Variants in CDK5RAP2 observed in about 807,000 individuals in gnomAD.
CDK5RAP2 encodes CDK5 regulatory subunit-associated protein 2.
In CDK5RAP2, 147 loss-of-function variants were observed where a neutral mutation model predicts 232.9. The observed-to-expected ratio is 0.63, with a 90% confidence interval of 0.55 to 0.72. The LOEUF is 0.72. Ranked by LOEUF, CDK5RAP2 falls within the 30% of genes least tolerant of loss-of-function variation. The pLI is 0.00. For synonymous variants in CDK5RAP2, 833 were observed against 833.7 expected (o/e 1.00, Z 0.01); for missense variants, 2,195 against 2,231.5 (o/e 0.98, Z 0.33).
At position 120,389,101 on chromosome 9, in the gene CDK5RAP2, A is replaced by G; in HGVS notation, c.*135T>C. The G allele has an allele frequency of 2.5e-6, 2 of 816,064 alleles. No homozygotes were observed. Among genetic ancestry groups the G allele is most frequent in the South Asian group, 1.6e-5 (1 of 63,210 alleles). 50.6% of individuals were successfully genotyped at this position (816,064 alleles called of 1,614,324 possible). On this transcript the variant is annotated 3_prime_UTR_variant, in exon 38 of 38. Transcript: ENST00000349780. Reference sequence around the variant, plus strand: ...CTCTCAAGCCAACTTTCAGAGAGAAAACATGAAGGGAAAAAATAGATTTCC... The same window carrying G: ...CTCTCAAGCCAACTTTCAGAGAGAAGACATGAAGGGAAAAAATAGATTTCC...
chr9:120,491,260 A>G, intron 13 of CDK5RAP2, 47 bp downstream of exon 13: 3 of 1,384,518 alleles, frequency 2.2e-6, no homozygotes, highest in Non-Finnish European at 2.1e-6. Flanking sequence ...TTTTAAAAAA[A>G]TCAACCCATG....
intron 18 of CDK5RAP2, among the ~76,000 whole-genome samples, chr9:120,462,989 C>T (rs545003203): frequency 9.9e-5 from 15 of 152,136 alleles, no homozygotes; most frequent in Admixed American, 5.2e-4. Flanking sequence ...GTGAATAGAA[C>T]CTAGGTGGTG....
At chr9:120,426,424 C>T (rs867999097) in intron 25 of CDK5RAP2, among the ~76,000 whole-genome samples, 18 of 152,128 alleles carry the variant, frequency 1.2e-4, no homozygotes, top group African/African-American at 3.4e-4. Context: ...AAGTGGGTGG[C>T]GGGCTTCCAG....
At chr9:120,558,734 T>C (rs1454576528) in intron 3 of CDK5RAP2, among the ~76,000 whole-genome samples, 2 of 152,180 alleles carry the variant, frequency 1.3e-5, no homozygotes, top group Non-Finnish European at 2.9e-5. Context: ...TCAGCTCCAA[T>C]GTCACTGCCT....
At chr9:120,426,028 T>C (rs796533830) in intron 25 of CDK5RAP2, among the ~76,000 whole-genome samples, 16 of 152,212 alleles carry the variant, frequency 1.1e-4, no homozygotes, top group African/African-American at 3.6e-4. Flanking sequence ...TGGAGCCATA[T>C]CTTTGATGGA....
intron 12 of CDK5RAP2, among the ~76,000 whole-genome samples, chr9:120,516,209 C>CT (rs2040330795): frequency 6.6e-6 from 1 of 152,082 alleles, no homozygotes; most frequent in Non-Finnish European, 1.5e-5. Context: ...AGTTCATGTG[C>CT]TTTGTAGATA....
At chr9:120,425,919 C>T (rs193142469) in intron 25 of CDK5RAP2, among the ~76,000 whole-genome samples, 2 of 152,334 alleles carry the variant, frequency 1.3e-5, no homozygotes, top group East Asian at 1.9e-4. Flanking sequence ...GCACTACACA[C>T]TGTGATAAGG....
intron 16 of CDK5RAP2, 60 bp from the exon 17 acceptor site, chr9:120,470,280 A>T: frequency 5.0e-6 from 4 of 807,404 alleles, no homozygotes; most frequent in Middle Eastern, 4.6e-4. Context: ...TATCAGAAAC[A>T]GATCCTCCCA....
intron 1 of CDK5RAP2, among the ~76,000 whole-genome samples, chr9:120,578,340 A>T (rs7870279): frequency 6.6e-6 from 1 of 152,198 alleles, no homozygotes; most frequent in African/African-American, 2.4e-5. Context: ...GGACAATACA[A>T]GAGAGAAGCC....
chr9:120,549,893 C>T (rs370627027), intron 4 of CDK5RAP2, among the ~76,000 whole-genome samples: 20 of 152,320 alleles, frequency 1.3e-4, no homozygotes, highest in African/African-American at 4.8e-4. Context: ...CTTTCCAATT[C>T]TTGAAAAGGC....
intron 36 of CDK5RAP2, among the ~76,000 whole-genome samples, chr9:120,391,419 T>C (rs753532049): frequency 5.3e-5 from 8 of 152,172 alleles, no homozygotes; most frequent in Admixed American, 1.3e-4. Flanking sequence ...GGGACTCACA[T>C]GTGGGCCTGC....
intron 13 of CDK5RAP2, among the ~76,000 whole-genome samples, chr9:120,490,656 A>AT (rs931748739): frequency 4.0e-5 from 6 of 151,676 alleles, no homozygotes; most frequent in African/African-American, 1.5e-4. Context: ...ACTTAGCCAA[A>AT]TTTTTTTTTC....
intron 28 of CDK5RAP2, 46 bp downstream of exon 28, chr9:120,414,994 A>C (rs1259579452): frequency 6.2e-7 from 1 of 1,609,088 alleles, no homozygotes; most frequent in East Asian, 2.2e-5. Context: ...CGTCACAGTG[A>C]AGCACTCACA....
intron 36 of CDK5RAP2, among the ~76,000 whole-genome samples, chr9:120,390,877 G>T (rs1423448700): frequency 6.6e-6 from 1 of 152,166 alleles, no homozygotes; most frequent in African/African-American, 2.4e-5. Context: ...TTTCCATCTG[G>T]AGGTAATGGA....
Position 120,472,498 on chromosome 9 carries a change from A to C in CDK5RAP2, c.1728-620T>G, listed in dbSNP as rs575018520. Among the ~76,000 whole-genome samples the C allele has an allele frequency of 2.6e-3, 393 of 152,282 alleles. 4 individuals carry two copies. Among genetic ancestry groups the C allele is most frequent in the African/African-American group, 8.9e-3 (371 of 41,556 alleles). On this transcript the variant is annotated intron_variant, in intron 15 of 37. Transcript: ENST00000349780. ...ACTCCTGCTGTGTTACTCCTCAAAA[A>C]AGTCATACTGGAAGTTAAGGGTGGG...
intron 12 of CDK5RAP2, among the ~76,000 whole-genome samples, chr9:120,497,438 AAAAAAAAAAAAAAAAAG>A (rs1207046900): frequency 2.8e-5 from 4 of 143,270 alleles, no homozygotes; most frequent in African/African-American, 2.5e-5. Flanking sequence ...AAAAAAAAAA[AAAAAAAAAAAAAAAAAG>A]AATCATCAAT....
chr9:120,514,451 G>A (rs1224725272), intron 12 of CDK5RAP2, among the ~76,000 whole-genome samples: 2 of 152,140 alleles, frequency 1.3e-5, no homozygotes, highest in African/African-American at 4.8e-5. Flanking sequence ...CACCCGTCTG[G>A]CCATCCTGAC....
chr9:120,406,986 C>G (rs2033488685), intron 32 of CDK5RAP2, 26 bp downstream of exon 32: 1 of 1,526,490 alleles, frequency 6.6e-7, no homozygotes, highest in African/African-American at 1.4e-5. Flanking sequence ...GCATTCTCAG[C>G]AAGTGGGGAG....
chr9:120,428,649 C>T (rs534598961), intron 25 of CDK5RAP2, among the ~76,000 whole-genome samples: 76 of 152,238 alleles, frequency 5.0e-4, no homozygotes, highest in Middle Eastern at 3.4e-3. Context: ...CAGGACCAGA[C>T]GGATTCACAG....
Sources: gnomAD v4.1 joint callset for allele counts (sites outside exome capture counted in the v4.1 genomes callset) on GRCh38, gnomAD v4.1.1 for gene constraint, MANE v1.5 for transcripts, NCBI Gene and HGNC (gene_info 2026-07-23, HGNC 2026-07-21) for gene names.